Variants in ZNF839 observed in about 807,000 individuals in gnomAD.
ZNF839 encodes the protein zinc finger protein 839, also known as renal carcinoma antigen NY-REN-50.
In ZNF839, 38 loss-of-function variants were observed where a neutral mutation model predicts 56.4. The observed-to-expected ratio is 0.67, with a 90% CI of 0.52 to 0.88. The LOEUF (loss-of-function observed/expected upper bound fraction) is 0.88. Among genes scored for constraint, ZNF839 ranks in the 40% least tolerant of loss-of-function variants. The pLI, the probability that ZNF839 is intolerant of heterozygous loss-of-function variation, is 0.00. For missense variants in ZNF839, 1,091 were observed against 1,177.6 expected (o/e 0.93, Z 1.08); for synonymous variants, 486 against 493.5 (o/e 0.98, Z 0.20).
chr14:102,326,319 C>CT lies in ZNF839; in HGVS notation c.626dup (p.Leu209PhefsTer5), dbSNP rs750571537. On this transcript the variant is annotated frameshift_variant, in exon 2 of 8. Transcript: ENST00000442396. LOFTEE classifies it high-confidence loss of function. The surrounding 1 kb of genome is among the most constrained non-coding windows in gnomAD (Gnocchi z 4.3). ...GATGAACAGGGCTCCATGTTGACCCCTTTGTCTGCCTCTGACCCGCTGGCA... is the reference window on the plus strand; with the variant it reads ...GATGAACAGGGCTCCATGTTGACCCCTTTTGTCTGCCTCTGACCCGCTGGCA... 6.2e-7 allele frequency: 1 copy of CT among 1,611,234 alleles called. No homozygotes were observed. The highest frequency in any genetic ancestry group is 8.5e-7 in the Non-Finnish European group (1 of 1,178,668).
At chr14:102,320,595 C>T (rs1247635962) in intron 1 of ZNF839, among the ~76,000 whole-genome samples, 2 of 152,162 alleles carry the variant, frequency 1.3e-5, no homozygotes, top group Non-Finnish European at 2.9e-5. Flanking sequence ...TGCCAAGGCC[C>T]AGGCTTGGAA....
chr14:102,330,514 A>T (rs982648543), intron 2 of ZNF839, among the ~76,000 whole-genome samples: 5 of 149,534 alleles, frequency 3.3e-5, no homozygotes, highest in Admixed American at 6.7e-5. Context: ...CATTACAGGC[A>T]TGAGCCACTG....
chr14:102,328,375 A>AAAAAATAT (rs1197718891), intron 2 of ZNF839, among the ~76,000 whole-genome samples: 3 of 16,330 alleles, frequency 1.8e-4, no homozygotes, highest in Admixed American at 9.1e-4. Context: ...AAAAAAAAAA[A>AAAAAATAT]ATATATATAT....
chr14:102,331,682 T>A lies in ZNF839; in HGVS notation c.1252T>A (p.Leu418Met), dbSNP rs776437801. The change falls in exon 3 of 8, where the codon TTG becomes ATG. Residue 418 changes from leucine to methionine, a missense_variant. Around this residue, in one of 3 missense-constraint regions of ZNF839, gnomAD observed 614 missense variants for 629.2 expected, o/e 0.98. Coordinates refer to ENST00000442396, the MANE Select transcript of ZNF839 (RefSeq NM_018335.6). Reference protein sequence around the residue: ...LPSEPENGALLRSERYQGPRR... With the variant: ...LPSEPENGALMRSERYQGPRR... ...ATCTGAACCAGAAAATGGAGCTCTT[T>A]TGCGATCAGAGAGATACCAAGGACC... is the stretch of plus-strand genomic sequence containing the variant. 1 of 1,612,530 alleles carries A rather than the reference T, an allele frequency of 6.2e-7. No homozygotes were observed. Among genetic ancestry groups the A allele is most frequent in the Non-Finnish European group, 8.5e-7 (1 of 1,179,224 alleles).
intron 1 of ZNF839, among the ~76,000 whole-genome samples, chr14:102,322,221 T>A (rs182855644): frequency 1.3e-5 from 2 of 152,354 alleles, no homozygotes; most frequent in Admixed American, 1.3e-4. Flanking sequence ...CTCACCTGTC[T>A]GCATTCCTTA....
At chr14:102,329,725 G>A (rs1567289933) in intron 2 of ZNF839, among the ~76,000 whole-genome samples, 1 of 145,242 alleles carries the variant, frequency 6.9e-6, no homozygotes, top group Non-Finnish European at 1.5e-5. Context: ...GTGTGTGTGT[G>A]TATGTGTGTG....
chr14:102,324,910 G>A (rs1193797689), intron 1 of ZNF839, among the ~76,000 whole-genome samples: 2 of 151,960 alleles, frequency 1.3e-5, no homozygotes, highest in African/African-American at 4.8e-5. Flanking sequence ...AGATAGTGTC[G>A]CTCCACTCCA....
At chr14:102,324,958 A>G (rs1391077994) in intron 1 of ZNF839, among the ~76,000 whole-genome samples, 1 of 152,108 alleles carries the variant, frequency 6.6e-6, no homozygotes, top group Non-Finnish European at 1.5e-5. Context: ...TCAAAAGAAA[A>G]AGAAAAACCT....
At chr14:102,336,959 C>G (rs1885807847) in intron 5 of ZNF839, 1 of 176,040 alleles carries the variant, frequency 5.7e-6, no homozygotes, top group Admixed American at 6.4e-5. Context: ...GTCTTGAACT[C>G]CAGGGCTCAA....
chr14:102,334,572 C>A lies in ZNF839; in HGVS notation c.1435C>A (p.Arg479=). Residue 479 remains arginine (R), a synonymous_variant, in exon 4 of 8, where the codon CGG becomes AGG. Coordinates refer to ENST00000442396, the MANE Select transcript of ZNF839 (RefSeq NM_018335.6). ...TTGGTAGTTCCTCCAGCAGTGTGAC[C>A]GGGAGGATCTGGTGGAATTGGCTCT... The part of the protein sequence containing the change: ...RLKEFLQQCD[R]EDLVELALPQ... The A allele has an allele frequency of 6.2e-7, 1 of 1,611,374 alleles. No homozygotes were observed. The highest frequency in any genetic ancestry group is 2.2e-5 in the East Asian group (1 of 44,842).
chr14:102,327,400 C>T (rs1179108312), intron 2 of ZNF839, among the ~76,000 whole-genome samples: 1 of 152,162 alleles, frequency 6.6e-6, no homozygotes. Flanking sequence ...CTCAGCCTCC[C>T]AAAATGCTGA....
chr14:102,334,502 T>C, intron 3 of ZNF839, 52 bp from the exon 4 acceptor site: 3 of 1,365,650 alleles, frequency 2.2e-6, no homozygotes, highest in Non-Finnish European at 3.1e-6. Context: ...TTGTTGGCTA[T>C]TGGGAAATTC....
Position 102,326,364 on chromosome 14 carries a change from G to T in ZNF839, c.668G>T (p.Ser223Ile). The T allele has an allele frequency of 2.5e-6, 4 of 1,610,504 alleles. No individual in the cohort carries two copies. Among genetic ancestry groups the T allele is most frequent in the Non-Finnish European group, 3.4e-6 (4 of 1,178,136 alleles). The change falls in exon 2 of 8, where the codon AGT (serine) becomes ATT (isoleucine). Residue 223 changes from serine (S) to isoleucine (I), a missense_variant. This residue lies in a region of ZNF839 where 614 missense variants were observed against 629.2 expected (regional missense o/e 0.98). Coordinates refer to ENST00000442396, the MANE Select transcript of ZNF839 (RefSeq NM_018335.6). The surrounding 1 kb of genome is among the most constrained non-coding windows in gnomAD (Gnocchi z 4.3). ...CTGGCAGTAACATCTCTTTCATCCA[G>T]TTCAGCACATCCATTTATTTCCAAC... is the stretch of plus-strand genomic sequence containing the variant. ...DPLAVTSLSS[S>I]SAHPFISNLH...
rs1886623066 is a variant in ZNF839, at chr14:102,342,241, A to G, written c.*62A>G. Reference sequence around the variant, plus strand: ...CCGTGGAGCCAGAGCCCTCACAGTGAAGTGGAGTCAGATCCTAGATTCGTC... The same window carrying G: ...CCGTGGAGCCAGAGCCCTCACAGTGGAGTGGAGTCAGATCCTAGATTCGTC... On this transcript the variant is annotated 3_prime_UTR_variant, in exon 8 of 8. Coordinates refer to ENST00000442396, the MANE Select transcript of ZNF839 (RefSeq NM_018335.6). The G allele has an allele frequency of 1.3e-6, 2 of 1,531,982 alleles. No individual in the cohort carries two copies. The highest frequency in any genetic ancestry group is 2.1e-5 in the Admixed American group (1 of 48,138). 94.9% of individuals were successfully genotyped at this position (1,531,982 alleles called of 1,614,324 possible).
In ZNF839 at chr14:102,326,151, G is replaced by C; in HGVS notation, c.455G>C (p.Arg152Thr). 1 of 1,613,850 alleles carries C rather than the reference G, an allele frequency of 6.2e-7. No individual in the cohort carries two copies. The highest frequency in any genetic ancestry group is 8.5e-7 in the Non-Finnish European group (1 of 1,179,810). Residue 152 changes from arginine (R) to threonine (T), a missense_variant, in exon 2 of 8, where the codon AGG becomes ACG. Coordinates refer to ENST00000442396, the MANE Select transcript of ZNF839 (RefSeq NM_018335.6). The surrounding 1 kb of genome is among the most constrained non-coding windows in gnomAD (Gnocchi z 4.3). ...GLHIASPQLLRVQPLVRTEPQ... is the reference protein window; with the variant it reads ...GLHIASPQLLTVQPLVRTEPQ... ...CATATCGCCAGCCCTCAGCTGCTCAGGGTACAGCCGCTTGTGAGAACCGAG... is the reference window on the plus strand; with the variant it reads ...CATATCGCCAGCCCTCAGCTGCTCACGGTACAGCCGCTTGTGAGAACCGAG...
intron 5 of ZNF839, chr14:102,337,588 A>G (rs1426220959): frequency 2.4e-4 from 37 of 152,182 alleles, no homozygotes; most frequent in Admixed American, 2.4e-3. Context: ...AAGTGTGGGT[A>G]TCATCCTGCT....
rs777827684 is a variant in ZNF839, at chr14:102,331,806, G to A, written c.1376G>A (p.Gly459Glu). ...AQLPGGPAAA[G>E]EQRASPSKAR... is the part of the protein sequence containing the mutation. ...CTACCTGGTGGCCCTGCTGCGGCAGGGGAGCAGAGGGCGTCGCCAAGCAAA... is the reference window on the plus strand; with the variant it reads ...CTACCTGGTGGCCCTGCTGCGGCAGAGGAGCAGAGGGCGTCGCCAAGCAAA... The change falls in exon 3 of 8, where the codon GGG becomes GAG. Residue 459 changes from glycine (G) to glutamate (E), a missense_variant. Gly to Glu is a moderately conservative substitution (Grantham distance 98). Transcript: ENST00000442396. 1.9e-6 allele frequency: 3 copies of A among 1,588,842 alleles called. No individual in the cohort carries two copies. The highest frequency in any genetic ancestry group is 2.6e-6 in the Non-Finnish European group (3 of 1,169,142).
At chr14:102,328,375 A>AAAAAAATAT (rs1197718891) in intron 2 of ZNF839, among the ~76,000 whole-genome samples, 3 of 16,350 alleles carry the variant, frequency 1.8e-4, no homozygotes, top group Non-Finnish European at 2.7e-4. Flanking sequence ...AAAAAAAAAA[A>AAAAAAATAT]ATATATATAT....
At chr14:102,328,024 T>C (rs578191098) in intron 2 of ZNF839, among the ~76,000 whole-genome samples, 2 of 152,070 alleles carry the variant, frequency 1.3e-5, no homozygotes, top group African/African-American at 2.4e-5. Context: ...TGAGTCGCTA[T>C]GAATTTGCAT....
Sources: gnomAD v4.1 joint callset for allele counts (sites outside exome capture counted in the v4.1 genomes callset) on GRCh38, gnomAD v4.1.1 for gene constraint, gnomAD v4.1.1 regional missense constraint, Gnocchi (gnomAD v3.1) non-coding constraint, MANE v1.5 for transcripts, NCBI Gene and HGNC (gene_info 2026-07-23, HGNC 2026-07-21) for gene names.